Variants in MASTL observed in about 807,000 individuals in gnomAD.
MASTL encodes the protein microtubule associated serine/threonine kinase like, also known as serine/threonine-protein kinase greatwall.
A neutral mutation model predicts 82.5 loss-of-function variants in MASTL; 54 were observed. That is an observed-to-expected ratio of 0.65 (90% CI 0.53 to 0.82). The LOEUF (loss-of-function observed/expected upper bound fraction) is 0.82. Among genes scored for constraint, MASTL ranks in the 40% least tolerant of loss-of-function variants. The probability of loss-of-function intolerance (pLI) is 0.00; values close to 1 mark genes in which losing one functional copy is unlikely to be tolerated. For missense variants in MASTL, 950 were observed against 1,047.8 expected (o/e 0.91, Z 1.29); for synonymous variants, 323 against 368.9 (o/e 0.88, Z 1.43).
upstream of MASTL, chr10:27,155,319 C>T: frequency 1.7e-6 from 2 of 1,148,712 alleles, no homozygotes; most frequent in Non-Finnish European, 2.4e-6. Flanking sequence ...GGCGGGGTGA[C>T]GTCACGGCCG....
intron 9 of MASTL, among the ~76,000 whole-genome samples, chr10:27,175,138 C>T (rs1448282366): frequency 6.6e-6 from 1 of 151,736 alleles, no homozygotes; most frequent in Non-Finnish European, 1.5e-5. Flanking sequence ...GCTCTGGCAA[C>T]TTATCATCTC....
rs752147433 is a variant in MASTL, at chr10:27,184,554, AT to A, written c.2483-1801del. Among the ~76,000 whole-genome samples the A allele has an allele frequency of 4.9e-3, 416 of 84,826 alleles. 1 individual carries two copies. Among genetic ancestry groups the A allele is most frequent in the African/African-American group, 0.016 (340 of 21,316 alleles). 55.6% of individuals were successfully genotyped at this position (84,826 alleles called of 152,430 possible). On this transcript the variant is annotated intron_variant, in intron 11 of 11. Coordinates refer to ENST00000375940, the MANE Select transcript of MASTL (RefSeq NM_001172303.3). ...AAAAACACTATCACATATAAGAAGG[AT>A]TTTTTTTTTTTTTTTTTTTTTTTGA...
At chr10:27,156,168 C>T (rs1004231416) in intron 1 of MASTL, among the ~76,000 whole-genome samples, 1 of 152,134 alleles carries the variant, frequency 6.6e-6, no homozygotes, top group Non-Finnish European at 1.5e-5. Flanking sequence ...CCACGCCCGG[C>T]TGATTTTTTG....
chr10:27,171,890 G>A (rs1308504390), intron 8 of MASTL, among the ~76,000 whole-genome samples: 6 of 141,288 alleles, frequency 4.2e-5, no homozygotes, highest in East Asian at 2.1e-4. Flanking sequence ...GTGCAGTGGC[G>A]CGATCTTGGC....
At position 27,186,408 on chromosome 10, in the gene MASTL, G is replaced by A. The variant is rs767887274; in HGVS notation, c.2512G>A (p.Val838Met). ...ELKRHPLFSD[V>M]DWENLQHQTM... ...AAAACGTCATCCTCTCTTCAGTGAT[G>A]TGGACTGGGAAAATCTGCAGCATCA... The change falls in exon 12 of 12, where the codon GTG becomes ATG. Residue 838 changes from valine (V) to methionine (M), a missense_variant. Val to Met is a conservative substitution (Grantham distance 21, BLOSUM62 1). Transcript: ENST00000375940. The A allele has an allele frequency of 2.5e-6, 4 of 1,614,090 alleles. No homozygotes were observed. In the South Asian group the frequency reaches 4.4e-5, roughly 18 times the overall value.
At chr10:27,154,480 G>A (rs1330061060), upstream of MASTL, 5 of 554,200 alleles carry the variant, frequency 9.0e-6, no homozygotes, top group East Asian at 2.9e-5. Flanking sequence ...TCCCGCGGAA[G>A]TAGTTGACAT....
intron 9 of MASTL, among the ~76,000 whole-genome samples, chr10:27,177,457 C>A (rs1416828334): frequency 6.6e-6 from 1 of 152,170 alleles, no homozygotes; most frequent in African/African-American, 2.4e-5. Context: ...AGTGAGACAT[C>A]TAGCTCCCTC....
chr10:27,165,378 C>G lies in MASTL; in HGVS notation c.661-11C>G. On this transcript the variant is annotated splice_polypyrimidine_tract_variant and intron_variant, in intron 5 of 11. Transcript: ENST00000375940. ...GTAAACCTGTTGTTTTTATTTTTCT[C>G]TTTTTAATAGAACACACCAATTGCA... 1 of 1,613,226 alleles carries G rather than the reference C, an allele frequency of 6.2e-7. No individual in the cohort carries two copies. Among genetic ancestry groups the G allele is most frequent in the Non-Finnish European group, 8.5e-7 (1 of 1,179,682 alleles).
At position 27,171,426 on chromosome 10, in the gene MASTL, ATT is replaced by A. The variant is rs1167794382; in HGVS notation, c.2124+344_2124+345del. Among the ~76,000 whole-genome samples the A allele has an allele frequency of 2.2e-5, 3 of 137,548 alleles. No individual in the cohort carries two copies. In the East Asian group the frequency reaches 6.0e-4, roughly 27 times the overall value. 90.2% of individuals were successfully genotyped at this position (137,548 alleles called of 152,430 possible). On this transcript the variant is annotated intron_variant, in intron 8 of 11. Transcript: ENST00000375940. ...GAGTTACAAAATTATTATTATTATT[ATT>A]ATTATTATTATTATTATTATTATTG... is the stretch of plus-strand genomic sequence containing the variant.
At chr10:27,166,392 T>TTA (rs1196401999) in intron 6 of MASTL, among the ~76,000 whole-genome samples, 1 of 152,204 alleles carries the variant, frequency 6.6e-6, no homozygotes, top group Non-Finnish European at 1.5e-5. Flanking sequence ...TATTCTAACC[T>TTA]TATAGCACGT....
chr10:27,168,703 G>C (rs2057817308), intron 7 of MASTL, among the ~76,000 whole-genome samples: 1 of 152,006 alleles, frequency 6.6e-6, no homozygotes. Context: ...TGTAATCCCA[G>C]CTACTCAGGA....
chr10:27,156,580 G>C (rs1227378756), intron 1 of MASTL, among the ~76,000 whole-genome samples: 3 of 152,006 alleles, frequency 2.0e-5, no homozygotes, highest in African/African-American at 7.3e-5. Context: ...GCTCCCTGCA[G>C]CCTCTGCCTC....
chr10:27,171,860 C>T (rs577006906), intron 8 of MASTL, among the ~76,000 whole-genome samples: 31 of 108,346 alleles, frequency 2.9e-4, no homozygotes, highest in Admixed American at 6.7e-4. Flanking sequence ...GACAAAGTCT[C>T]GCTCTGTCAC....
intron 1 of MASTL, 33 bp downstream of exon 1, chr10:27,155,645 AG>A: frequency 6.2e-7 from 1 of 1,612,242 alleles, no homozygotes; most frequent in Non-Finnish European, 8.5e-7. Flanking sequence ...GGAAGGGGTT[AG>A]GCCCTTCGGC....
chr10:27,183,483 C>T lies in MASTL; in HGVS notation c.2482+1902C>T, dbSNP rs1588765192. 4.6e-5 allele frequency among the ~76,000 whole-genome samples: 7 copies of T among 152,126 alleles called. No individual in the cohort carries two copies. In the South Asian group the frequency reaches 1.5e-3, roughly 32 times the overall value. ...ATTTTTTAGTAGAGATGGGGTTTCA[C>T]CATGTTGGCCAGGATGGTCTCGATC... On this transcript the variant is annotated intron_variant, in intron 11 of 11. Transcript: ENST00000375940.
In MASTL at chr10:27,160,533, C is replaced by A. The variant is rs1196807721; in HGVS notation, c.465-561C>A. ...TGGGAGGCTGAGGCGGGCGGATCAC[C>A]TGAGGTCGGGAGTTTGAGACCAGAG... On this transcript the variant is annotated intron_variant, in intron 3 of 11. Transcript: ENST00000375940. Among the ~76,000 whole-genome samples the A allele has an allele frequency of 2.6e-5, 4 of 151,834 alleles. No individual in the cohort carries two copies. The East Asian group carries it at 5.8e-4, about 22-fold the overall frequency.
intron 9 of MASTL, 106 bp from the exon 10 acceptor site, chr10:27,180,847 C>T: frequency 1.3e-6 from 1 of 787,526 alleles, no homozygotes; most frequent in Non-Finnish European, 2.3e-6. Flanking sequence ...CTGGTCCTAC[C>T]AGCCTAACTC....
At chr10:27,186,161 A>C (rs2058732504) in intron 11 of MASTL, among the ~76,000 whole-genome samples, 1 of 152,212 alleles carries the variant, frequency 6.6e-6, no homozygotes, top group African/African-American at 2.4e-5. Context: ...AACAAATACA[A>C]ACCAGGCACC....
chr10:27,161,609 C>CT (rs1328971802), intron 4 of MASTL, among the ~76,000 whole-genome samples: 1 of 151,804 alleles, frequency 6.6e-6, no homozygotes, highest in Non-Finnish European at 1.5e-5. Context: ...CCACTGTTTT[C>CT]TTTGTTAGTT....
Sources: gnomAD v4.1 joint callset for allele counts (sites outside exome capture counted in the v4.1 genomes callset) on GRCh38, gnomAD v4.1.1 for gene constraint, MANE v1.5 for transcripts, NCBI Gene and HGNC (gene_info 2026-07-23, HGNC 2026-07-21) for gene names.